SORCS1: variants seen among roughly 807,000 people sequenced by gnomAD.
The protein encoded by SORCS1 is sortilin related VPS10 domain containing receptor 1, also known as VPS10 domain-containing receptor SorCS1.
A neutral mutation model predicts 146.1 loss-of-function variants in SORCS1; 60 were observed. The ratio of observed to expected loss-of-function variants is 0.41; its 90% confidence interval spans 0.33 to 0.51. The LOEUF is 0.51. SORCS1 is among the 20% of genes least tolerant of loss of function. The probability of loss-of-function intolerance (pLI) is 0.21; values close to 1 mark genes in which losing one functional copy is unlikely to be tolerated. For synonymous variants in SORCS1, 637 were observed against 584.0 expected (o/e 1.09, Z -1.31); for missense variants, 1,352 against 1,487.6 (o/e 0.91, Z 1.50).
At chr10:106,775,245 C>T (rs200153851) in intron 4 of SORCS1, among the ~76,000 whole-genome samples, 1 of 152,216 alleles carries the variant, frequency 6.6e-6, no homozygotes, top group Non-Finnish European at 1.5e-5. Context: ...ATGACTAATA[C>T]TCTGTCTGAG....
intron 23 of SORCS1, 104 bp downstream of exon 23, chr10:106,607,062 T>C: frequency 1.4e-6 from 2 of 1,465,138 alleles, no homozygotes; most frequent in South Asian, 2.6e-5. Flanking sequence ...TTGGTGAAGC[T>C]GTAGTTAGGA....
At chr10:106,578,895 A>C in intron 25 of SORCS1, 1 of 1,413,906 alleles carries the variant, frequency 7.1e-7, no homozygotes, top group Non-Finnish European at 9.2e-7. Flanking sequence ...AGAGAAAAAA[A>C]CTAGATAGAA....
At chr10:106,994,063 CAAAAAAAAAAAAAA>C (rs67408221) in intron 1 of SORCS1, among the ~76,000 whole-genome samples, 2 of 80,848 alleles carry the variant, frequency 2.5e-5, no homozygotes, top group Non-Finnish European at 4.5e-5. Flanking sequence ...GACCCCATCT[CAAAAAAAAAAAAAA>C]AAAAAAAAAA....
intron 21 of SORCS1, among the ~76,000 whole-genome samples, chr10:106,615,734 AGAG>A (rs764611777): frequency 3.9e-4 from 60 of 152,312 alleles, no homozygotes; most frequent in Middle Eastern, 3.4e-3. Flanking sequence ...TTTGGTTAGA[AGAG>A]GAGGAGAACC....
chr10:106,687,260 T>G lies in SORCS1; in HGVS notation c.1560+932A>C, dbSNP rs146734117. ...GACACATTCAAGTAGACAAGTAGAC[T>G]GCAAACTCCTTGAAAGCAAGATTCA... On this transcript the variant is annotated intron_variant, in intron 10 of 25. Coordinates refer to ENST00000263054, the MANE Select transcript of SORCS1 (RefSeq NM_052918.5). Among the ~76,000 whole-genome samples the G allele has an allele frequency of 3.4e-3, 522 of 152,290 alleles. 2 individuals carry two copies. The highest frequency in any genetic ancestry group is 0.012 in the African/African-American group (496 of 41,562).
At chr10:106,716,451 C>G (rs1855380201) in intron 6 of SORCS1, among the ~76,000 whole-genome samples, 1 of 152,198 alleles carries the variant, frequency 6.6e-6, no homozygotes, top group African/African-American at 2.4e-5. Flanking sequence ...TAAGATCCAA[C>G]AAATCTTTAC....
chr10:106,737,726 T>C (rs751116945), intron 5 of SORCS1, among the ~76,000 whole-genome samples: 15 of 150,898 alleles, frequency 9.9e-5, no homozygotes, highest in Non-Finnish European at 1.6e-4. Flanking sequence ...AGGATAAAAG[T>C]ATGTGGGGGG....
chr10:106,636,448 G>T (rs1052052383), intron 18 of SORCS1, among the ~76,000 whole-genome samples: 3 of 152,148 alleles, frequency 2.0e-5, no homozygotes, highest in African/African-American at 7.2e-5. Context: ...AACTGCCTGA[G>T]ACTGGGTAAT....
chr10:107,003,728 G>A (rs551949205), intron 1 of SORCS1, among the ~76,000 whole-genome samples: 8 of 152,158 alleles, frequency 5.3e-5, no homozygotes, highest in African/African-American at 1.9e-4. Context: ...CTGAGATGAA[G>A]GCATCTCACA....
At position 106,577,430 on chromosome 10, in the gene SORCS1, T is replaced by C. The variant is rs1589648961; in HGVS notation, c.3497A>G (p.Tyr1166Cys). Reference protein sequence around the residue: ...TPKRGSAGAQYAI With the variant: ...TPKRGSAGAQCAI ...CTTTGGGGGTTTTCCTTAAATTGCA[T>C]ACTGTGCCCCAGCAGATCCCCGCTT... The change falls in exon 26 of 26, where the codon TAT (tyrosine) becomes TGT (cysteine). Residue 1166 changes from tyrosine to cysteine, a missense_variant. Physicochemically the swap from Tyr to Cys is radical, Grantham distance 194 (BLOSUM62 -2). Transcript: ENST00000263054. 3.1e-6 allele frequency: 5 copies of C among 1,613,880 alleles called. No homozygotes were observed. The highest frequency in any genetic ancestry group is 1.1e-5 in the South Asian group (1 of 91,074).
At chr10:106,996,366 C>A (rs1365614262) in intron 1 of SORCS1, among the ~76,000 whole-genome samples, 1 of 151,912 alleles carries the variant, frequency 6.6e-6, no homozygotes. Context: ...AATTATTTTG[C>A]ACTGCTATCA....
intron 5 of SORCS1, among the ~76,000 whole-genome samples, chr10:106,750,072 GC>G (rs1382719680): frequency 6.6e-6 from 1 of 152,116 alleles, no homozygotes; most frequent in East Asian, 1.9e-4. Context: ...AAACTTAGAG[GC>G]CCTTAATTTG....
At chr10:106,695,238 T>G (rs1462729167) in intron 9 of SORCS1, among the ~76,000 whole-genome samples, 1 of 152,216 alleles carries the variant, frequency 6.6e-6, no homozygotes, top group Non-Finnish European at 1.5e-5. Flanking sequence ...AACTAAGGAC[T>G]TGGTACTAAA....
At chr10:107,093,243 C>T (rs184434998) in intron 1 of SORCS1, among the ~76,000 whole-genome samples, 121 of 152,262 alleles carry the variant, frequency 7.9e-4, no homozygotes, top group Admixed American at 4.2e-3. Context: ...TTCGATTGAC[C>T]GACAGTGCTG....
chr10:107,178,924 T>C, the SORCS1 span, among the ~76,000 whole-genome samples: 1 of 152,176 alleles, frequency 6.6e-6, no homozygotes, highest in Non-Finnish European at 1.5e-5. Context: ...GCAATAAACA[T>C]GAGGGTTCAG....
At chr10:106,772,318 C>A (rs995672877) in intron 4 of SORCS1, among the ~76,000 whole-genome samples, 16 of 152,220 alleles carry the variant, frequency 1.1e-4, no homozygotes, top group African/African-American at 3.9e-4. Context: ...ATTGGTTCCA[C>A]CCCCAACCAA....
chr10:107,171,867 A>C, the SORCS1 span, among the ~76,000 whole-genome samples: 1 of 152,218 alleles, frequency 6.6e-6, no homozygotes, highest in East Asian at 1.9e-4. Flanking sequence ...TAGAGTGTGA[A>C]GATATGAATG....
intron 1 of SORCS1, among the ~76,000 whole-genome samples, chr10:107,141,787 C>T (rs920406574): frequency 2.0e-5 from 3 of 152,204 alleles, no homozygotes; most frequent in African/African-American, 7.2e-5. Flanking sequence ...AGCACAGTCC[C>T]AGCAGTATGT....
Position 107,163,956 on chromosome 10 carries a change from C to G in SORCS1, c.558+13G>C, listed in dbSNP as rs776869488. 6.2e-7 allele frequency: 1 copy of G among 1,608,048 alleles called. No individual in the cohort carries two copies. Among genetic ancestry groups the G allele is most frequent in the Non-Finnish European group, 8.5e-7 (1 of 1,175,920 alleles). ...TCTTTCCACCCCTTTACCCTCAGTC[C>G]CATTCTACTCACGCTGCTGTTGTGG... On this transcript the variant is annotated intron_variant, in intron 1 of 25. Coordinates refer to ENST00000263054, the MANE Select transcript of SORCS1 (RefSeq NM_052918.5).
Sources: allele counts gnomAD v4.1 joint callset (sites outside exome capture counted in the v4.1 genomes callset), GRCh38; gene constraint gnomAD v4.1.1; transcripts MANE v1.5; gene names NCBI Gene and HGNC (gene_info 2026-07-23, HGNC 2026-07-21).